Variants in ZNF438 observed in about 807,000 individuals in gnomAD.
ZNF438 encodes the protein zinc finger protein 438.
Under a neutral mutation model 38.0 loss-of-function variants are expected in ZNF438, and 25 were observed. That is an observed-to-expected ratio of 0.66 (90% CI 0.48 to 0.92). The LOEUF (loss-of-function observed/expected upper bound fraction) is 0.92. Among genes scored for constraint, ZNF438 ranks in the 40% least tolerant of loss-of-function variants. The pLI, the probability that ZNF438 is intolerant of heterozygous loss-of-function variation, is 0.00. For missense variants in ZNF438, 1,007 were observed against 999.6 expected, an observed-to-expected ratio of 1.01 and a Z score of -0.10; for synonymous variants, 372 against 364.1, an observed-to-expected ratio of 1.02 and a Z score of -0.25.
chr10:30,962,869 G>A (rs895094451), intron 1 of ZNF438, among the ~76,000 whole-genome samples: 1 of 152,054 alleles, frequency 6.6e-6, no homozygotes, highest in African/African-American at 2.4e-5. Flanking sequence ...CATCTTTACT[G>A]TTTTGGAAAA....
intron 1 of ZNF438, among the ~76,000 whole-genome samples, chr10:31,007,440 C>A (rs1226108543): frequency 6.6e-6 from 1 of 152,018 alleles, no homozygotes; most frequent in African/African-American, 2.4e-5. Context: ...CGCCACCATG[C>A]CCTGCTAATT....
intron 1 of ZNF438, among the ~76,000 whole-genome samples, chr10:30,986,270 T>C (rs1037608504): frequency 4.6e-5 from 7 of 152,198 alleles, no homozygotes; most frequent in Non-Finnish European, 8.8e-5. Flanking sequence ...TAAGTTTATC[T>C]ATCACATGCA....
chr10:31,012,955 T>C (rs1289096368), intron 1 of ZNF438, among the ~76,000 whole-genome samples: 1 of 152,164 alleles, frequency 6.6e-6, no homozygotes, highest in Non-Finnish European at 1.5e-5. Context: ...TCCTTCCACA[T>C]ACACTCCCTA....
chr10:30,873,017 G>A (rs1588921595), intron 4 of ZNF438, among the ~76,000 whole-genome samples: 1 of 152,218 alleles, frequency 6.6e-6, no homozygotes, highest in East Asian at 1.9e-4. Flanking sequence ...TTCTTATATG[G>A]GAAGTAAATA....
intron 1 of ZNF438, among the ~76,000 whole-genome samples, chr10:31,001,084 CATTACAACACG>C (rs1326693620): frequency 6.6e-6 from 1 of 152,168 alleles, no homozygotes; most frequent in Non-Finnish European, 1.5e-5. Flanking sequence ...CCATTGCACT[CATTACAACACG>C]ATTACAACAC....
At chr10:30,983,721 A>AT (rs534724737) in intron 1 of ZNF438, among the ~76,000 whole-genome samples, 2 of 152,096 alleles carry the variant, frequency 1.3e-5, no homozygotes, top group East Asian at 1.9e-4. Context: ...TTTTCAAATT[A>AT]TTTTTTTTAT....
At position 30,961,837 on chromosome 10, in the gene ZNF438, G is replaced by A. The variant is rs1396154371; in HGVS notation, c.-191-20186C>T. ...CGGGAGGTGGAGGTTGCAGTGGGCC[G>A]AGATTGCACCACTGCTCTCCAGCCT... On this transcript the variant is annotated intron_variant, in intron 1 of 5. Coordinates refer to ENST00000413025, the Ensembl canonical transcript of ZNF438. Among the ~76,000 whole-genome samples the A allele has an allele frequency of 4.9e-5, 7 of 141,456 alleles. No homozygotes were observed. In the East Asian group the frequency reaches 1.2e-3, roughly 24 times the overall value. 92.8% of individuals were successfully genotyped at this position (141,456 alleles called of 152,430 possible). A position where few individuals can be genotyped will look rare whatever the true frequency, so the allele number is the denominator to read the frequency against.
At chr10:31,032,159 G>A (rs1487237142), upstream of ZNF438, among the ~76,000 whole-genome samples, 3 of 152,236 alleles carry the variant, frequency 2.0e-5, no homozygotes, top group Non-Finnish European at 4.4e-5. Context: ...GCCGACAAAA[G>A]GGGACGGAGA....
intron 4 of ZNF438, chr10:30,857,843 T>C: frequency 9.3e-7 from 1 of 1,069,982 alleles, no homozygotes; most frequent in East Asian, 2.9e-5. Context: ...TAGCACTAGG[T>C]GCCAATGTCT....
chr10:30,987,359 A>T (rs1340823744), intron 1 of ZNF438, among the ~76,000 whole-genome samples: 1 of 150,828 alleles, frequency 6.6e-6, no homozygotes, highest in Non-Finnish European at 1.5e-5. Context: ...GACAAAGCTG[A>T]TGCTGAATTA....
In ZNF438 at chr10:30,897,459, T is replaced by C. The variant is rs1215000067; in HGVS notation, c.-32+11474A>G. On this transcript the variant is annotated intron_variant, in intron 3 of 5. Transcript: ENST00000413025. The stretch of plus-strand genomic sequence containing the variant: ...GCAGCTGACAAAAGATCCAGTGCTA[T>C]AGAGCAAGTGCTTCAACAAATAACA... Among the ~76,000 whole-genome samples, 12 of 152,310 alleles carry C rather than the reference T, an allele frequency of 7.9e-5. No individual in the cohort carries two copies. In the East Asian group the frequency reaches 2.3e-3, roughly 29 times the overall value.
At chr10:31,024,047 T>C (rs1275912213) in intron 1 of ZNF438, among the ~76,000 whole-genome samples, 1 of 152,210 alleles carries the variant, frequency 6.6e-6, no homozygotes, top group Non-Finnish European at 1.5e-5. Context: ...AACACTGAAT[T>C]ACCAATGATT....
rs2056960968 is a variant in ZNF438, at chr10:31,026,626, C to G, written c.-192+5207G>C. Among the ~76,000 whole-genome samples, 4 of 152,266 alleles carry G rather than the reference C, an allele frequency of 2.6e-5. No homozygotes were observed. In the South Asian group the frequency reaches 8.3e-4, roughly 32 times the overall value. On this transcript the variant is annotated intron_variant, in intron 1 of 5. Coordinates refer to ENST00000413025, the Ensembl canonical transcript of ZNF438. Reference sequence around the variant, plus strand: ...GAGAGGATGTGGAGAAATAGGAACACTTTTACATTGTTGGTGGGACTGTAA... The same window carrying G: ...GAGAGGATGTGGAGAAATAGGAACAGTTTTACATTGTTGGTGGGACTGTAA...
chr10:30,906,816 T>TA, intron 3 of ZNF438, among the ~76,000 whole-genome samples: 1 of 152,358 alleles, frequency 6.6e-6, no homozygotes. Context: ...CTGTGTCTAT[T>TA]ATCATGTGAC....
At chr10:31,014,860 GTA>G (rs3054683) in intron 1 of ZNF438, among the ~76,000 whole-genome samples, 4,804 of 149,486 alleles carry the variant, frequency 0.032, 225 homozygotes, top group African/African-American at 0.1. Context: ...GTGTGTGTGT[GTA>G]TATATATATA....
intron 1 of ZNF438, among the ~76,000 whole-genome samples, chr10:31,015,784 G>C (rs1192692486): frequency 6.6e-6 from 1 of 152,246 alleles, no homozygotes; most frequent in Non-Finnish European, 1.5e-5. Flanking sequence ...TGCAGTCTAA[G>C]ATCATGGCGC....
At chr10:30,855,338 C>T (rs376710135) in intron 4 of ZNF438, among the ~76,000 whole-genome samples, 4 of 152,180 alleles carry the variant, frequency 2.6e-5, no homozygotes, top group East Asian at 1.9e-4. Flanking sequence ...AAGGTCCCTG[C>T]GATTTAAAGA....
At chr10:30,887,017 C>T (rs532710203) in intron 3 of ZNF438, among the ~76,000 whole-genome samples, 1 of 152,262 alleles carries the variant, frequency 6.6e-6, no homozygotes, top group East Asian at 1.9e-4. Flanking sequence ...CTAGCTAATT[C>T]CTATATATTG....
At chr10:30,867,813 A>G (rs1465336997) in intron 4 of ZNF438, among the ~76,000 whole-genome samples, 2 of 152,206 alleles carry the variant, frequency 1.3e-5, no homozygotes, top group Admixed American at 6.5e-5. Flanking sequence ...AAAGTATTAA[A>G]AGGTAAGTCA....
Sources: gnomAD v4.1 joint callset for allele counts (sites outside exome capture counted in the v4.1 genomes callset) on GRCh38, gnomAD v4.1.1 for gene constraint, MANE v1.5 for transcripts, NCBI Gene and HGNC (gene_info 2026-07-23, HGNC 2026-07-21) for gene names.